GSR: variants seen among roughly 807,000 people sequenced by gnomAD.
The protein encoded by GSR is glutathione reductase, mitochondrial.
Under a neutral mutation model 56.5 loss-of-function variants are expected in GSR, and 48 were observed. That is an observed-to-expected ratio of 0.85 (90% CI 0.67 to 1.08). The LOEUF is 1.08. Among genes scored for constraint, GSR ranks in the 50% least tolerant of loss-of-function variants. The pLI is 0.00. For synonymous variants in GSR, 264 were observed against 270.8 expected (o/e 0.97, Z 0.25); for missense variants, 694 against 703.3 (o/e 0.99, Z 0.15).
At chr8:30,713,386 T>C (rs552238092) in intron 1 of GSR, among the ~76,000 whole-genome samples, 18 of 150,828 alleles carry the variant, frequency 1.2e-4, no homozygotes, top group Admixed American at 2.7e-4. Flanking sequence ...TGAGACTGAG[T>C]CTCACTATAT....
At chr8:30,689,090 C>T (rs1204238820) in intron 9 of GSR, 71 bp downstream of exon 9, 1 of 1,415,754 alleles carries the variant, frequency 7.1e-7, no homozygotes, top group Non-Finnish European at 1.0e-6. Flanking sequence ...TTTTGGGTGT[C>T]TGGGGGGAAA....
chr8:30,716,129 T>A (rs887500231), intron 1 of GSR, among the ~76,000 whole-genome samples: 3 of 152,180 alleles, frequency 2.0e-5, no homozygotes, highest in African/African-American at 7.2e-5. Flanking sequence ...ACTAAACAGA[T>A]ACAGTCCCTG....
intron 1 of GSR, among the ~76,000 whole-genome samples, chr8:30,715,929 A>G (rs988949910): frequency 6.6e-6 from 1 of 152,192 alleles, no homozygotes; most frequent in African/African-American, 2.4e-5. Flanking sequence ...TTTAAAACAT[A>G]TTCTTTTTTT....
At chr8:30,702,665 G>A (rs904185566) in intron 5 of GSR, among the ~76,000 whole-genome samples, 1 of 152,044 alleles carries the variant, frequency 6.6e-6, no homozygotes, top group African/African-American at 2.4e-5. Flanking sequence ...TCTCTTGGCT[G>A]GGCACGGTGG....
At chr8:30,698,364 T>G (rs1034398976) in intron 6 of GSR, among the ~76,000 whole-genome samples, 3 of 152,174 alleles carry the variant, frequency 2.0e-5, no homozygotes, top group African/African-American at 4.8e-5. Context: ...AATTACATTA[T>G]CCAAACATAA....
intron 6 of GSR, among the ~76,000 whole-genome samples, chr8:30,698,896 A>G (rs1461075107): frequency 6.6e-6 from 1 of 152,180 alleles, no homozygotes. Context: ...CTCTTCTCAC[A>G]AGTGACAGGA....
chr8:30,680,938 A>T lies in GSR; in HGVS notation c.1385T>A (p.Val462Glu). 6.2e-7 allele frequency: 1 copy of T among 1,613,822 alleles called. No homozygotes were observed. The highest frequency in any genetic ancestry group is 8.5e-7 in the Non-Finnish European group (1 of 1,179,856). ...HAVTKRKTKCVMKMVCANKEE... is the reference protein window; with the variant it reads ...HAVTKRKTKCEMKMVCANKEE... ...CTTGTTAGCACAGACCATTTTCATC[A>T]CACATTTTGTTTTCCTTTTGGTAAC... is the stretch of plus-strand genomic sequence containing the variant. The change falls in exon 12 of 13, where the codon GTG becomes GAG. Residue 462 changes from valine (V) to glutamate (E), a missense_variant. Coordinates refer to ENST00000221130, the MANE Select transcript of GSR (RefSeq NM_000637.5).
intron 4 of GSR, among the ~76,000 whole-genome samples, chr8:30,705,031 C>T (rs1401440057): frequency 6.6e-6 from 1 of 151,864 alleles, no homozygotes; most frequent in Non-Finnish European, 1.5e-5. Context: ...ATAAGATCAC[C>T]ATAAGCTATA....
chr8:30,721,819 G>A (rs1255580797), intron 1 of GSR, among the ~76,000 whole-genome samples: 2 of 151,728 alleles, frequency 1.3e-5, no homozygotes, highest in Non-Finnish European at 2.9e-5. Flanking sequence ...TCAGGAGTTC[G>A]AGACCAGCCT....
intron 9 of GSR, among the ~76,000 whole-genome samples, chr8:30,688,588 A>AAG (rs1227946858): frequency 6.7e-6 from 1 of 149,626 alleles, no homozygotes; most frequent in African/African-American, 2.5e-5. Flanking sequence ...CAAAAAAAAA[A>AAG]AAAAAAAAAA....
At chr8:30,723,806 A>T (rs1804633855) in intron 1 of GSR, among the ~76,000 whole-genome samples, 1 of 150,132 alleles carries the variant, frequency 6.7e-6, no homozygotes, top group Non-Finnish European at 1.5e-5. Flanking sequence ...ACACACACAC[A>T]CACACACACA....
At chr8:30,695,066 A>G (rs1321103044) in intron 7 of GSR, among the ~76,000 whole-genome samples, 4 of 147,742 alleles carry the variant, frequency 2.7e-5, no homozygotes, top group East Asian at 3.9e-4. Context: ...CTGTCTCTTA[A>G]AAAAAAAAAA....
At chr8:30,690,491 A>C (rs994680572) in intron 8 of GSR, among the ~76,000 whole-genome samples, 2 of 152,082 alleles carry the variant, frequency 1.3e-5, no homozygotes, top group African/African-American at 2.4e-5. Flanking sequence ...GGAATGAAGG[A>C]AAGTAAGACT....
chr8:30,681,764 A>C (rs8191030), intron 11 of GSR, among the ~76,000 whole-genome samples, 166 bp downstream of exon 11: 1 of 152,254 alleles, frequency 6.6e-6, no homozygotes, highest in East Asian at 1.9e-4. Flanking sequence ...GTACACTCAA[A>C]GTAGTAGCAG....
At chr8:30,690,383 CT>C (rs1431362028) in intron 8 of GSR, among the ~76,000 whole-genome samples, 3 of 151,974 alleles carry the variant, frequency 2.0e-5, no homozygotes, top group Non-Finnish European at 4.4e-5. Flanking sequence ...TGGTCTCTAA[CT>C]CATGGCCTCA....
Position 30,680,934 on chromosome 8 carries a change from C to T in GSR, c.1389G>A (p.Met463Ile). 1 of 1,613,772 alleles carries T rather than the reference C, an allele frequency of 6.2e-7. No homozygotes were observed. Among genetic ancestry groups the T allele is most frequent in the South Asian group, 1.1e-5 (1 of 91,086 alleles). The change falls in exon 12 of 13, where the codon ATG (methionine) becomes ATA (isoleucine). Residue 463 changes from methionine to isoleucine, a missense_variant. Coordinates refer to ENST00000221130, the MANE Select transcript of GSR (RefSeq NM_000637.5). ...AVTKRKTKCV[M>I]KMVCANKEEK... ...CTTCCTTGTTAGCACAGACCATTTT[C>T]ATCACACATTTTGTTTTCCTTTTGG...
chr8:30,701,301 A>G (rs1803731112), intron 5 of GSR, among the ~76,000 whole-genome samples: 3 of 152,172 alleles, frequency 2.0e-5, no homozygotes, highest in African/African-American at 7.2e-5. Context: ...CCCCGTCTCT[A>G]CTAAAAATAC....
intron 6 of GSR, among the ~76,000 whole-genome samples, chr8:30,697,421 C>A (rs58812167): frequency 0.42 from 58,006 of 137,652 alleles, 12,136 homozygotes; most frequent in East Asian, 0.53. Flanking sequence ...CTCAAAAAAA[C>A]AAAACAAACA....
At chr8:30,697,450 C>CAAAA (rs796716517) in intron 6 of GSR, among the ~76,000 whole-genome samples, 4 of 149,718 alleles carry the variant, frequency 2.7e-5, no homozygotes, top group Non-Finnish European at 5.9e-5. Flanking sequence ...AACAAACAAA[C>CAAAA]AAAAAACCCC....
Sources: allele counts gnomAD v4.1 joint callset (sites outside exome capture counted in the v4.1 genomes callset), GRCh38; gene constraint gnomAD v4.1.1; transcripts MANE v1.5; gene names NCBI Gene and HGNC (gene_info 2026-07-23, HGNC 2026-07-21).